The following PRDM7 variants were observed in gnomAD, a reference collection of about 807,000 sequenced individuals.
PRDM7 encodes the protein PR/SET domain 7.
In PRDM7, 52 loss-of-function variants were observed where a neutral mutation model predicts 64.3. The ratio of observed to expected loss-of-function variants is 0.81; its 90% CI spans 0.65 to 1.02. PRDM7 has a LOEUF of 1.02. Among genes scored for constraint, PRDM7 ranks in the 50% least tolerant of loss-of-function variants. PRDM7 has a pLI of 0.00. For synonymous variants in PRDM7, 192 were observed against 210.1 expected (o/e 0.91, Z 0.74); for missense variants, 574 against 597.1 (o/e 0.96, Z 0.40).
At chr16:90,069,803 C>T (rs2037930412) in intron 4 of PRDM7, among the ~76,000 whole-genome samples, 1 of 151,056 alleles carries the variant, frequency 6.6e-6, no homozygotes, top group African/African-American at 2.5e-5. Context: ...GGTGTAATCC[C>T]AGCACTTTGG....
chr16:90,075,932 G>T lies in PRDM7; in HGVS notation c.-22C>A, dbSNP rs2038030936. The T allele has an allele frequency of 6.2e-7, 1 of 1,610,578 alleles. No individual in the cohort carries two copies. On this transcript the variant is annotated 5_prime_UTR_variant, in exon 2 of 11. Transcript: ENST00000449207. This position sits in a 1 kb window ranked among gnomAD's most constrained non-coding sequence, Gnocchi z 4.3. ...TCATGGTGCTGGGACTGTCTAGAAG[G>T]CCCTGCTCCAATTCTGAGTGTGGGA...
At chr16:90,069,209 G>A (rs1597690445) in intron 4 of PRDM7, among the ~76,000 whole-genome samples, 3 of 151,264 alleles carry the variant, frequency 2.0e-5, no homozygotes, top group African/African-American at 7.4e-5. Context: ...AAACCCTCGT[G>A]TATATGGTCA....
rs2037706330 is a variant in PRDM7, at chr16:90,057,781, G to A, written c.*508C>T. On this transcript the variant is annotated 3_prime_UTR_variant, in exon 11 of 11. Coordinates refer to ENST00000449207, the MANE Select transcript of PRDM7 (RefSeq NM_001098173.2). Reference sequence around the variant, plus strand: ...CCTCAGAGCTGGGGTGTGCAAGTGTGTGGTGATCACGTTTGTCTTCTTGTG... The same window carrying A: ...CCTCAGAGCTGGGGTGTGCAAGTGTATGGTGATCACGTTTGTCTTCTTGTG... 1 of 1,340,736 alleles carries A rather than the reference G, an allele frequency of 7.5e-7. No homozygotes were observed. Among genetic ancestry groups the A allele is most frequent in the African/African-American group, 1.5e-5 (1 of 67,688 alleles). The allele number at this position is 1,340,736 out of a possible 1,614,324, so 83.1% of individuals were successfully genotyped here.
intron 4 of PRDM7, among the ~76,000 whole-genome samples, chr16:90,067,659 C>T (rs1158392997): frequency 4.2e-5 from 6 of 142,956 alleles, no homozygotes; most frequent in Non-Finnish European, 8.9e-5. Flanking sequence ...GGCGCGAGGT[C>T]GGCTCACTGC....
At chr16:90,062,363 A>G (rs2037795498) in intron 7 of PRDM7, 38 bp downstream of exon 7, 1 of 1,613,868 alleles carries the variant, frequency 6.2e-7, no homozygotes, top group Non-Finnish European at 8.5e-7. Context: ...ACCAGGACAT[A>G]ACAGCAAGCT....
intron 4 of PRDM7, among the ~76,000 whole-genome samples, chr16:90,070,487 G>A (rs770958912): frequency 3.3e-5 from 5 of 151,116 alleles, no homozygotes; most frequent in East Asian, 3.8e-4. Flanking sequence ...GGGGGGCTGA[G>A]GCAGGAGAAT....
rs369521690 is a variant in PRDM7 at position 90,060,454 on chromosome 16, C to T, written c.1120G>A (p.Ala374Thr). 5.0e-6 allele frequency: 8 copies of T among 1,613,634 alleles called. No homozygotes were observed. The highest frequency in any genetic ancestry group is 2.7e-5 in the African/African-American group (2 of 74,862). ...ELGIRSSIEP[A>T]ESLGQAVNCW... ...TTCACAGCCTGGCCTAATGACTCGG[C>T]AGGTTCTATAGAAGATCTGATGCCC... The change falls in exon 10 of 11, where the codon GCC becomes ACC. Residue 374 changes from alanine (A) to threonine (T), a missense_variant. Physicochemically the swap from Ala to Thr is moderately conservative, Grantham distance 58. Coordinates refer to ENST00000449207, the MANE Select transcript of PRDM7 (RefSeq NM_001098173.2).
chr16:90,062,637 G>A, intron 6 of PRDM7, 135 bp from the exon 7 acceptor site: 1 of 825,624 alleles, frequency 1.2e-6, no homozygotes, highest in Non-Finnish European at 2.0e-6. Flanking sequence ...TCTGTTTACT[G>A]CTTCAGAGAG....
In PRDM7 at chr16:90,075,322, G is replaced by A. The variant is rs374125533; in HGVS notation, c.193+29C>T. 60 of 1,614,148 alleles carry A rather than the reference G, an allele frequency of 3.7e-5. No homozygotes were observed. The African/African-American group carries it at 7.5e-4, about 20-fold the overall frequency. On this transcript the variant is annotated intron_variant, in intron 3 of 10. Coordinates refer to ENST00000449207, the MANE Select transcript of PRDM7 (RefSeq NM_001098173.2). This position sits in a 1 kb window ranked among gnomAD's most constrained non-coding sequence, Gnocchi z 4.3. Reference sequence around the variant, plus strand: ...CAAAGACCTGTTTTATATCGCCCAGGCTGGTCTGTGCCCAGCACTTCCTGT... The same window carrying A: ...CAAAGACCTGTTTTATATCGCCCAGACTGGTCTGTGCCCAGCACTTCCTGT...
chr16:90,075,027 A>T lies in PRDM7; in HGVS notation c.194-4T>A. ...GCTGGTCGAGTGGCTCTGAGACCTG[A>T]AAAGAAGCAAAAAATTTTGCTCTGA... On this transcript the variant is annotated splice_region_variant and splice_polypyrimidine_tract_variant and intron_variant, in intron 3 of 10. Coordinates refer to ENST00000449207, the MANE Select transcript of PRDM7 (RefSeq NM_001098173.2). The surrounding 1 kb of genome is among the most constrained non-coding windows in gnomAD (Gnocchi z 4.3). The T allele has an allele frequency of 6.2e-7, 1 of 1,614,144 alleles. No individual in the cohort carries two copies. Among genetic ancestry groups the T allele is most frequent in the Non-Finnish European group, 8.5e-7 (1 of 1,180,012 alleles).
At chr16:90,061,300 C>T in intron 9 of PRDM7, 152 bp downstream of exon 9, 2 of 695,484 alleles carry the variant, frequency 2.9e-6, no homozygotes, top group African/African-American at 1.8e-5. Flanking sequence ...TTTTTTATTT[C>T]TAAAAGTTGA....
At chr16:90,065,393 G>GAAA (rs35014946) in intron 5 of PRDM7, among the ~76,000 whole-genome samples, 1 of 92,770 alleles carries the variant, frequency 1.1e-5, no homozygotes. Flanking sequence ...AACTCTGTCT[G>GAAA]AAAAAAAAAA....
rs1364520139 is a variant in PRDM7, at chr16:90,058,166, T to C, written c.*123A>G. 6.2e-7 allele frequency: 1 copy of C among 1,614,238 alleles called. No homozygotes were observed. The highest frequency in any genetic ancestry group is 8.5e-7 in the Non-Finnish European group (1 of 1,180,046). On this transcript the variant is annotated 3_prime_UTR_variant, in exon 11 of 11. Transcript: ENST00000449207. ...AATAATTTGCCTGTGTTCCCTGGAT[T>C]CACTTTCTGGCCTGTTCTGGACTCT...
chr16:90,068,311 A>G (rs1360315870), intron 4 of PRDM7, among the ~76,000 whole-genome samples: 4 of 150,330 alleles, frequency 2.7e-5, no homozygotes, highest in Admixed American at 2.0e-4. Flanking sequence ...ATAAAACTAT[A>G]AAGATTTTAC....
chr16:90,063,071 T>A (rs1225372429), intron 6 of PRDM7, among the ~76,000 whole-genome samples: 4 of 152,218 alleles, frequency 2.6e-5, no homozygotes, highest in Admixed American at 2.6e-4. Context: ...TTTATAAGAT[T>A]TGCCCAAGGC....
At position 90,074,993 on chromosome 16, in the gene PRDM7, C is replaced by A. The variant is rs369023486; in HGVS notation, c.224G>T (p.Cys75Phe). 13 of 1,613,994 alleles carry A rather than the reference C, an allele frequency of 8.1e-6. No individual in the cohort carries two copies. Among genetic ancestry groups the A allele is most frequent in the Non-Finnish European group, 8.5e-7 (1 of 1,180,038 alleles). ...GAGTTTGATGGCCTGCCTTCGGTGA[C>A]ACATGAAAGCTGGTCGAGTGGCTCT... ...GLRATRPAFM[C>F]HRRQAIKLQV... Residue 75 changes from cysteine (C) to phenylalanine (F), a missense_variant, in exon 4 of 11, where the codon TGT (cysteine) becomes TTT (phenylalanine). By Grantham distance (205) the Cys-to-Phe change is radical (BLOSUM62 -2). Coordinates refer to ENST00000449207, the MANE Select transcript of PRDM7 (RefSeq NM_001098173.2).
chr16:90,075,540 C>T lies in PRDM7; in HGVS notation c.70-66G>A, dbSNP rs2151314852. On this transcript the variant is annotated intron_variant, in intron 2 of 10. Transcript: ENST00000449207. This position sits in a 1 kb window ranked among gnomAD's most constrained non-coding sequence, Gnocchi z 4.3. Reference sequence around the variant, plus strand: ...ACATCGAGCTGGTCCTTTTCCTCTACCCTGCGTGTAGGGCATAGCCTGGGG... The same window carrying T: ...ACATCGAGCTGGTCCTTTTCCTCTATCCTGCGTGTAGGGCATAGCCTGGGG... The T allele has an allele frequency of 6.2e-7, 1 of 1,613,114 alleles. No homozygotes were observed. Among genetic ancestry groups the T allele is most frequent in the African/African-American group, 1.3e-5 (1 of 75,038 alleles).
At chr16:90,062,678 A>C (rs1325438908) in intron 6 of PRDM7, among the ~76,000 whole-genome samples, 176 bp from the exon 7 acceptor site, 1 of 152,206 alleles carries the variant, frequency 6.6e-6, no homozygotes, top group African/African-American at 2.4e-5. Flanking sequence ...CTGACTGTAG[A>C]TGCCTATTCA....
intron 6 of PRDM7, among the ~76,000 whole-genome samples, chr16:90,063,220 C>T (rs1171031836): frequency 6.6e-6 from 1 of 152,124 alleles, no homozygotes; most frequent in African/African-American, 2.4e-5. Context: ...CTGAGCTGAG[C>T]AGATTACTTG....
Sources: gnomAD v4.1 joint callset for allele counts (sites outside exome capture counted in the v4.1 genomes callset) on GRCh38, gnomAD v4.1.1 for gene constraint, Gnocchi (gnomAD v3.1) non-coding constraint, MANE v1.5 for transcripts, NCBI Gene and HGNC (gene_info 2026-07-23, HGNC 2026-07-21) for gene names.